SNRPB: variants seen among roughly 807,000 people sequenced by gnomAD.
SNRPB encodes small nuclear ribonucleoprotein polypeptides B and B1, also known as small nuclear ribonucleoprotein-associated proteins B and B'.
Under a neutral mutation model 26.6 loss-of-function variants are expected in SNRPB, and 5 were observed. That is an observed-to-expected ratio of 0.19 (90% CI 0.10 to 0.39). The LOEUF is 0.39. Among genes scored for constraint, SNRPB ranks in the 10% least tolerant of loss-of-function variants. SNRPB has a pLI of 1.00. For synonymous variants in SNRPB, 122 were observed against 105.8 expected (o/e 1.15, Z -0.94); for missense variants, 211 against 311.9 (o/e 0.68, Z 2.44).
chr20:2,463,242 GAAGA>G lies in SNRPB; in HGVS notation c.421-19_421-16del, dbSNP rs767377277. 8.4e-5 allele frequency: 134 copies of G among 1,604,550 alleles called. 1 individual carries two copies. Among genetic ancestry groups the G allele is most frequent in the African/African-American group, 7.5e-4 (56 of 74,710 alleles). ...GGGGTCATCACCTAAGAGGACATAA[GAAGA>G]AAGAGTTAGAAGAGTACAGTACAAT... On this transcript the variant is annotated splice_polypyrimidine_tract_variant and intron_variant, in intron 4 of 6. Coordinates refer to ENST00000381342, the MANE Select transcript of SNRPB (RefSeq NM_003091.4). The surrounding 1 kb of genome is among the most constrained non-coding windows in gnomAD (Gnocchi z 5.0).
intron 1 of SNRPB, among the ~76,000 whole-genome samples, chr20:2,468,758 T>C (rs2085090667): frequency 6.6e-6 from 1 of 152,182 alleles, no homozygotes; most frequent in Non-Finnish European, 1.5e-5. Flanking sequence ...AAGCCCCGTC[T>C]CTACTAAAAT....
intron 1 of SNRPB, among the ~76,000 whole-genome samples, chr20:2,468,090 A>G (rs553862674): frequency 1.3e-5 from 2 of 152,310 alleles, no homozygotes; most frequent in African/African-American, 4.8e-5. Flanking sequence ...AGAGCCATCT[A>G]CCAGTGTGCA....
In SNRPB at chr20:2,461,642, T is replaced by C; in HGVS notation, c.*287A>G. On this transcript the variant is annotated 3_prime_UTR_variant, in exon 7 of 7. Transcript: ENST00000381342. ...AAATAAAGATCCATAGGTGCAATTA[T>C]AATGTTCTCTTAAGAGTTTATTATA... 3 of 679,252 alleles carry C rather than the reference T, an allele frequency of 4.4e-6. No homozygotes were observed. In the South Asian group the frequency reaches 8.2e-5, roughly 18 times the overall value. The allele number at this position is 679,252 out of a possible 1,614,324, so 42.1% of individuals were successfully genotyped here. A position where few individuals can be genotyped will look rare whatever the true frequency, so the allele number is the denominator to read the frequency against.
At chr20:2,465,986 T>C (rs1158427342) in intron 2 of SNRPB, among the ~76,000 whole-genome samples, 167 bp from the exon 3 acceptor site, 2 of 152,066 alleles carry the variant, frequency 1.3e-5, no homozygotes, top group African/African-American at 4.8e-5. Context: ...CATAACCTCT[T>C]AGGTGGCTAT....
chr20:2,462,778 C>T lies in SNRPB; in HGVS notation c.560-17G>A. Reference sequence around the variant, plus strand: ...CCATCATGCCTGCAAGAGAAAAGCCCCAAGAATATAGCTCAAGTGTCTATC... The same window carrying T: ...CCATCATGCCTGCAAGAGAAAAGCCTCAAGAATATAGCTCAAGTGTCTATC... On this transcript the variant is annotated splice_polypyrimidine_tract_variant and intron_variant, in intron 5 of 6. Coordinates refer to ENST00000381342, the MANE Select transcript of SNRPB (RefSeq NM_003091.4). 6.6e-7 allele frequency: 1 copy of T among 1,519,620 alleles called. No homozygotes were observed. Among genetic ancestry groups the T allele is most frequent in the Non-Finnish European group, 8.8e-7 (1 of 1,135,632 alleles). 94.1% of individuals were successfully genotyped at this position (1,519,620 alleles called of 1,614,324 possible).
chr20:2,464,987 C>T (rs2085062682), intron 3 of SNRPB, among the ~76,000 whole-genome samples: 1 of 151,980 alleles, frequency 6.6e-6, no homozygotes, highest in Non-Finnish European at 1.5e-5. Flanking sequence ...TTTACAGAAT[C>T]AAGACTGTCT....
At position 2,465,804 on chromosome 20, in the gene SNRPB, T is replaced by A. The variant is rs777469743; in HGVS notation, c.171A>T (p.Lys57Asn). 6.2e-7 allele frequency: 1 copy of A among 1,613,588 alleles called. No individual in the cohort carries two copies. The highest frequency in any genetic ancestry group is 8.5e-7 in the Non-Finnish European group (1 of 1,179,870). Residue 57 changes from lysine to asparagine, a missense_variant, in exon 3 of 7, where the codon AAA becomes AAT. By Grantham distance (94) the Lys-to-Asn change is moderately conservative. Transcript: ENST00000381342. ...EFRKIKPKNS[K>N]QAEREEKRVL... ...CTCGCTTCTCTTCCCTTTCTGCTTG[T>A]TTGGAGTTCTTTGGCCTAAAGAGAG...
In SNRPB at chr20:2,463,963, T is replaced by A; in HGVS notation, c.268-64A>T. 7.0e-7 allele frequency: 1 copy of A among 1,422,130 alleles called. No homozygotes were observed. Among genetic ancestry groups the A allele is most frequent in the African/African-American group, 1.4e-5 (1 of 70,496 alleles). 88.1% of individuals were successfully genotyped at this position (1,422,130 alleles called of 1,614,324 possible). A position where few individuals can be genotyped will look rare whatever the true frequency, so the allele number is the denominator to read the frequency against. On this transcript the variant is annotated intron_variant, in intron 3 of 6. Transcript: ENST00000381342. This position sits in a 1 kb window ranked among gnomAD's most constrained non-coding sequence, Gnocchi z 5.0. ...TGAAGATCAGAAGTATACTTTGGAATATCATTGCCAAGAGAGCCCCTCGAA... is the reference window on the plus strand; with the variant it reads ...TGAAGATCAGAAGTATACTTTGGAAAATCATTGCCAAGAGAGCCCCTCGAA...
chr20:2,461,978 G>T (rs1253379587), intron 6 of SNRPB, 39 bp from the exon 7 acceptor site: 6 of 1,500,148 alleles, frequency 4.0e-6, no homozygotes, highest in South Asian at 1.1e-5. Context: ...TGCCTGATCT[G>T]CAACTTGAAT....
rs117727692 is a variant in SNRPB, at chr20:2,466,741, C to T, written c.155+866G>A. ...ATTTTCAAAAATATTTTCCAATAAA[C>T]ATTTTTTATAATCAGGAGGGAACTT... On this transcript the variant is annotated intron_variant, in intron 2 of 6. Coordinates refer to ENST00000381342, the MANE Select transcript of SNRPB (RefSeq NM_003091.4). 1.1e-3 allele frequency among the ~76,000 whole-genome samples: 173 copies of T among 152,258 alleles called. 1 individual carries two copies. In the East Asian group the frequency reaches 0.032, roughly 28 times the overall value.
Position 2,463,072 on chromosome 20 carries a change from C to A in SNRPB, c.559+17G>T. The A allele has an allele frequency of 6.5e-7, 1 of 1,544,392 alleles. No individual in the cohort carries two copies. Among genetic ancestry groups the A allele is most frequent in the Non-Finnish European group, 8.7e-7 (1 of 1,149,384 alleles). On this transcript the variant is annotated intron_variant, in intron 5 of 6. Coordinates refer to ENST00000381342, the MANE Select transcript of SNRPB (RefSeq NM_003091.4). The surrounding 1 kb of genome is among the most constrained non-coding windows in gnomAD (Gnocchi z 5.0). ...ATCTTCTATCAATTAGCACTGGTCT[C>A]CTTATGGGCTCCTCACCTGGAGGGG... is the stretch of plus-strand genomic sequence containing the variant.
At position 2,463,939 on chromosome 20, in the gene SNRPB, G is replaced by A. The variant is rs1475944920; in HGVS notation, c.268-40C>T. On this transcript the variant is annotated intron_variant, in intron 3 of 6. Transcript: ENST00000381342. The surrounding 1 kb of genome is among the most constrained non-coding windows in gnomAD (Gnocchi z 5.0). Reference sequence around the variant, plus strand: ...AATATGCTCTGATGCCCAGTGATCTGAAGATCAGAAGTATACTTTGGAATA... The same window carrying A: ...AATATGCTCTGATGCCCAGTGATCTAAAGATCAGAAGTATACTTTGGAATA... The A allele has an allele frequency of 3.2e-6, 5 of 1,555,858 alleles. No homozygotes were observed. In the South Asian group the frequency reaches 4.5e-5, roughly 14 times the overall value.
Position 2,463,186 on chromosome 20 carries a change from T to G in SNRPB, c.462A>C (p.Ala154=). The G allele has an allele frequency of 1.2e-6, 2 of 1,612,790 alleles. No individual in the cohort carries two copies. The highest frequency in any genetic ancestry group is 1.7e-6 in the Non-Finnish European group (2 of 1,178,980). Residue 154 remains alanine (A), a synonymous_variant, in exon 5 of 7, where the codon GCA becomes GCC. Coordinates refer to ENST00000381342, the MANE Select transcript of SNRPB (RefSeq NM_003091.4). The surrounding 1 kb of genome is among the most constrained non-coding windows in gnomAD (Gnocchi z 5.0). ...PQGRGTVAAA[A]AAATASIAGA... is the part of the protein sequence containing the mutation. ...CGGCAATACTGGCTGTGGCAGCAGC[T>G]GCAGCGGCTGCAACAGTACCTCTTC...
At chr20:2,468,497 G>C (rs6515445) in intron 1 of SNRPB, among the ~76,000 whole-genome samples, 5,181 of 152,300 alleles carry the variant, frequency 0.034, 246 homozygotes, top group African/African-American at 0.1. Flanking sequence ...CCTGGCATTT[G>C]ATCTGTATAT....
chr20:2,462,346 G>A (rs1418558021), intron 6 of SNRPB, among the ~76,000 whole-genome samples: 1 of 152,156 alleles, frequency 6.6e-6, no homozygotes, highest in Non-Finnish European at 1.5e-5. Context: ...AAGAGCATAA[G>A]ACAATCTCAT....
chr20:2,470,753 C>T lies in SNRPB; in HGVS notation c.-63G>A. 1 of 1,598,082 alleles carries T rather than the reference C, an allele frequency of 6.3e-7. No homozygotes were observed. Among genetic ancestry groups the T allele is most frequent in the South Asian group, 1.1e-5 (1 of 90,784 alleles). ...GCCTCCTCAGAGGCCTAGCCTCTCT[C>T]CCACAGCCGATTTCCCGCCGCCGCT... On this transcript the variant is annotated 5_prime_UTR_variant, in exon 1 of 7. Coordinates refer to ENST00000381342, the MANE Select transcript of SNRPB (RefSeq NM_003091.4).
chr20:2,463,169 C>G lies in SNRPB; in HGVS notation c.479G>C (p.Ser160Thr). Residue 160 changes from serine to threonine, a missense_variant, in exon 5 of 7, where the codon AGT becomes ACT. By Grantham distance (58) the Ser-to-Thr change is moderately conservative (BLOSUM62 1). Transcript: ENST00000381342. The surrounding 1 kb of genome is among the most constrained non-coding windows in gnomAD (Gnocchi z 5.0). ...VAAAAAAATA[S>T]IAGAPTQYPP... ...GTACTGGGTTGGAGCCCCGGCAATA[C>G]TGGCTGTGGCAGCAGCTGCAGCGGC... 6.2e-7 allele frequency: 1 copy of G among 1,612,442 alleles called. No individual in the cohort carries two copies. Among genetic ancestry groups the G allele is most frequent in the Non-Finnish European group, 8.5e-7 (1 of 1,178,796 alleles).
intron 6 of SNRPB, 130 bp downstream of exon 6, chr20:2,462,506 T>C: frequency 1.1e-6 from 1 of 907,638 alleles, no homozygotes; most frequent in Admixed American, 1.8e-5. Flanking sequence ...CTCTTCTCTT[T>C]CCTTTCTGGA....
In SNRPB at chr20:2,461,829, CG is replaced by C; in HGVS notation, c.*99del. 1 of 1,613,802 alleles carries C rather than the reference CG, an allele frequency of 6.2e-7. No individual in the cohort carries two copies. Among genetic ancestry groups the C allele is most frequent in the Non-Finnish European group, 8.5e-7 (1 of 1,179,876 alleles). On this transcript the variant is annotated 3_prime_UTR_variant, in exon 7 of 7. Coordinates refer to ENST00000381342, the MANE Select transcript of SNRPB (RefSeq NM_003091.4). ...AACCAGACAATCCCATGAGACTCCA[CG>C]AACAACAGCATAAGAAACAAACAGG...
Sources: gnomAD v4.1 joint callset for allele counts (sites outside exome capture counted in the v4.1 genomes callset) on GRCh38, gnomAD v4.1.1 for gene constraint, Gnocchi (gnomAD v3.1) non-coding constraint, MANE v1.5 for transcripts, NCBI Gene and HGNC (gene_info 2026-07-23, HGNC 2026-07-21) for gene names.